Variants in HECW2 observed in about 807,000 individuals in gnomAD.
HECW2 encodes the protein E3 ubiquitin-protein ligase HECW2.
In HECW2, 61 loss-of-function variants were observed where a neutral mutation model predicts 175.2. That is an observed-to-expected ratio of 0.35 (90% CI 0.28 to 0.43). The LOEUF (loss-of-function observed/expected upper bound fraction) is 0.43. Ranked by LOEUF, HECW2 falls within the 20% of genes least tolerant of loss-of-function variation. The probability of loss-of-function intolerance (pLI) is 1.00; values close to 1 mark genes in which losing one functional copy is unlikely to be tolerated. For synonymous variants in HECW2, 671 were observed against 731.0 expected, an observed-to-expected ratio of 0.92 and a Z score of 1.32; for missense variants, 1,524 against 2,000.5, an observed-to-expected ratio of 0.76 and a Z score of 4.54.
At chr2:196,281,669 A>AAAAAAAAGG (rs1690193630) in intron 14 of HECW2, among the ~76,000 whole-genome samples, 1 of 148,062 alleles carries the variant, frequency 6.8e-6, no homozygotes, top group African/African-American at 2.5e-5. Context: ...AAAAAAAAAA[A>AAAAAAAAGG]GCGTGTTCTT....
chr2:196,576,630 T>C (rs1690571939), intron 1 of HECW2, among the ~76,000 whole-genome samples: 1 of 151,994 alleles, frequency 6.6e-6, no homozygotes, highest in Non-Finnish European at 1.5e-5. Flanking sequence ...TCAAGAAATC[T>C]AACATACCGC....
In HECW2 at chr2:196,365,795, A is replaced by G. The variant is rs1039395667; in HGVS notation, c.293-22031T>C. On this transcript the variant is annotated intron_variant, in intron 2 of 28. Coordinates refer to ENST00000644978, the MANE Select transcript of HECW2 (RefSeq NM_001348768.2). The stretch of plus-strand genomic sequence containing the variant: ...ATTATTTGTTATAATAACTGAATAC[A>G]TGCTAGGCCCTATAAGTGTGTACAC... Among the ~76,000 whole-genome samples, 4 of 152,212 alleles carry G rather than the reference A, an allele frequency of 2.6e-5. No individual in the cohort carries two copies. The East Asian group carries it at 7.7e-4, about 29-fold the overall frequency.
intron 20 of HECW2, among the ~76,000 whole-genome samples, chr2:196,241,816 G>GA (rs549996666): frequency 6.6e-6 from 1 of 152,020 alleles, no homozygotes; most frequent in Non-Finnish European, 1.5e-5. Context: ...CTTTTCAGAG[G>GA]AAAAAAATAA....
At chr2:196,544,306 C>T (rs1441845770) in intron 1 of HECW2, among the ~76,000 whole-genome samples, 1 of 152,236 alleles carries the variant, frequency 6.6e-6, no homozygotes, top group East Asian at 1.9e-4. Context: ...CTCCCTCAGC[C>T]TCATGAGCCC....
At chr2:196,562,354 G>A (rs769204819) in intron 1 of HECW2, among the ~76,000 whole-genome samples, 5 of 152,162 alleles carry the variant, frequency 3.3e-5, no homozygotes, top group Non-Finnish European at 7.3e-5. Flanking sequence ...TTTTACAAAG[G>A]AGGAATTCAG....
intron 2 of HECW2, among the ~76,000 whole-genome samples, chr2:196,381,217 T>C (rs1485570607): frequency 6.6e-6 from 1 of 152,160 alleles, no homozygotes; most frequent in East Asian, 1.9e-4. Context: ...ACCTCACCAA[T>C]CACCCCACAT....
chr2:196,458,424 C>T (rs13419698), intron 1 of HECW2, among the ~76,000 whole-genome samples: 32,821 of 141,576 alleles, frequency 0.23, 4,065 homozygotes, highest in African/African-American at 0.35. Flanking sequence ...TCTCTCTCTC[C>T]CTCTCACTCA....
chr2:196,489,201 A>G (rs1687105296), intron 1 of HECW2, among the ~76,000 whole-genome samples: 1 of 152,208 alleles, frequency 6.6e-6, no homozygotes, highest in Non-Finnish European at 1.5e-5. Flanking sequence ...TAGTAGGCTT[A>G]TAGAAGCGTA....
chr2:196,250,626 T>C (rs775603267), intron 19 of HECW2, among the ~76,000 whole-genome samples: 37 of 152,166 alleles, frequency 2.4e-4, no homozygotes, highest in Admixed American at 4.6e-4. Flanking sequence ...AACTTACCTG[T>C]AGTGTCATAC....
At position 196,340,781 on chromosome 2, in the gene HECW2, C is replaced by G. The variant is rs73988179; in HGVS notation, c.400+2876G>C. 8.2e-3 allele frequency among the ~76,000 whole-genome samples: 1,244 copies of G among 152,088 alleles called. 26 individuals carry two copies. Among genetic ancestry groups the G allele is most frequent in the African/African-American group, 0.029 (1,183 of 41,468 alleles). On this transcript the variant is annotated intron_variant, in intron 3 of 28. Coordinates refer to ENST00000644978, the MANE Select transcript of HECW2 (RefSeq NM_001348768.2). ...TCAAAGGAGAATCTTTCTGAAATTC[C>G]TATTCACTGTCCTGAACTTTACTTA...
chr2:196,557,121 T>G (rs1437384855), intron 1 of HECW2, among the ~76,000 whole-genome samples: 1 of 152,092 alleles, frequency 6.6e-6, no homozygotes, highest in Non-Finnish European at 1.5e-5. Flanking sequence ...TCTGGCAGGG[T>G]GCAGTGACTC....
At chr2:196,264,676 G>A (rs899762637) in intron 17 of HECW2, among the ~76,000 whole-genome samples, 14 of 152,140 alleles carry the variant, frequency 9.2e-5, no homozygotes, top group Admixed American at 6.5e-5. Context: ...TTAGGTGATT[G>A]ACTGTCCAGT....
At position 196,196,923 on chromosome 2, in the gene HECW2, A is replaced by T. The variant is rs1210179969; in HGVS notation, c.*4354T>A. 2 of 152,114 alleles carry T rather than the reference A, an allele frequency of 1.3e-5. No individual in the cohort carries two copies. The highest frequency in any genetic ancestry group is 4.8e-5 in the African/African-American group (2 of 41,368). 9.4% of individuals were successfully genotyped at this position (152,114 alleles called of 1,614,324 possible). A position where few individuals can be genotyped will look rare whatever the true frequency, so the allele number is the denominator to read the frequency against. ...GACGTGCCTGGGCCTTGTCTCTACA[A>T]AAATACAAAAATTAGCCAGGTGTGG... On this transcript the variant is annotated 3_prime_UTR_variant, in exon 29 of 29. Coordinates refer to ENST00000644978, the MANE Select transcript of HECW2 (RefSeq NM_001348768.2).
chr2:196,411,653 A>G (rs1461612112), intron 2 of HECW2, among the ~76,000 whole-genome samples: 1 of 152,262 alleles, frequency 6.6e-6, no homozygotes, highest in African/African-American at 2.4e-5. Context: ...AGAGCTGGCC[A>G]ACAAGGCCTT....
intron 1 of HECW2, among the ~76,000 whole-genome samples, chr2:196,468,965 C>T (rs1166433105): frequency 6.6e-6 from 1 of 152,078 alleles, no homozygotes; most frequent in Non-Finnish European, 1.5e-5. Context: ...CAGGTTACAT[C>T]CACTACACTA....
At chr2:196,547,053 AGGGCCACATTAAGAGAT>A (rs1689449022) in intron 1 of HECW2, among the ~76,000 whole-genome samples, 1 of 152,216 alleles carries the variant, frequency 6.6e-6, no homozygotes, top group African/African-American at 2.4e-5. Flanking sequence ...AGTTAATAAA[AGGGCCACATTAAGAGAT>A]GGCTACTGTC....
chr2:196,512,254 T>C (rs1687976630), intron 1 of HECW2, among the ~76,000 whole-genome samples: 3 of 152,226 alleles, frequency 2.0e-5, no homozygotes, highest in African/African-American at 7.2e-5. Flanking sequence ...AATATTTTCA[T>C]GTGAAACATT....
chr2:196,420,091 G>A (rs1004430160), intron 2 of HECW2, among the ~76,000 whole-genome samples: 7 of 152,118 alleles, frequency 4.6e-5, no homozygotes, highest in Non-Finnish European at 1.0e-4. Flanking sequence ...ACATACATTT[G>A]GAGTTTTGCA....
intron 2 of HECW2, among the ~76,000 whole-genome samples, chr2:196,364,799 A>G (rs1693699557): frequency 2.0e-5 from 3 of 152,234 alleles, no homozygotes. Context: ...TACAAAGGAA[A>G]AAGAAAAGAT....
Sources: allele counts gnomAD v4.1 joint callset (sites outside exome capture counted in the v4.1 genomes callset), GRCh38; gene constraint gnomAD v4.1.1; transcripts MANE v1.5; gene names NCBI Gene and HGNC (gene_info 2026-07-23, HGNC 2026-07-21).